The following SLC39A11 variants were observed in gnomAD, a reference collection of about 807,000 sequenced individuals.
SLC39A11 encodes zinc transporter ZIP11.
SLC39A11 carries 33 observed loss-of-function variants against 36.1 expected under a neutral mutation model. The ratio of observed to expected loss-of-function variants is 0.91; its 90% CI spans 0.69 to 1.22. SLC39A11 has a LOEUF of 1.22. SLC39A11 is among the 50% of genes most tolerant of loss of function. SLC39A11 has a pLI of 0.00. For missense variants in SLC39A11, 432 were observed against 430.3 expected (o/e 1.00, Z -0.03); for synonymous variants, 166 against 170.3 (o/e 0.97, Z 0.20).
intron 4 of SLC39A11, among the ~76,000 whole-genome samples, chr17:72,978,963 A>G (rs150201275): frequency 2.0e-5 from 3 of 152,294 alleles, no homozygotes; most frequent in African/African-American, 7.2e-5. Context: ...TTACAAAGAT[A>G]AAAAAGAAGG....
intron 7 of SLC39A11, among the ~76,000 whole-genome samples, chr17:72,671,946 T>C (rs1158204012): frequency 2.0e-5 from 3 of 152,166 alleles, no homozygotes; most frequent in Non-Finnish European, 2.9e-5. Context: ...GGGAATCTAA[T>C]ACACAGAATC....
chr17:72,861,782 A>ATCTC (rs1555605666), intron 5 of SLC39A11, among the ~76,000 whole-genome samples: 2 of 91,476 alleles, frequency 2.2e-5, no homozygotes, highest in Admixed American at 1.3e-4. Flanking sequence ...ATATATATAT[A>ATCTC]TCCAATGCTA....
chr17:73,050,395 G>A (rs1313470187), intron 3 of SLC39A11, among the ~76,000 whole-genome samples: 3 of 150,344 alleles, frequency 2.0e-5, no homozygotes, highest in African/African-American at 7.3e-5. Flanking sequence ...CAGCGGGGAG[G>A]AGAGTGGGTC....
intron 5 of SLC39A11, among the ~76,000 whole-genome samples, chr17:72,893,590 G>A (rs955286136): frequency 6.6e-6 from 1 of 152,030 alleles, no homozygotes; most frequent in Admixed American, 6.6e-5. Flanking sequence ...ATCCTCATTG[G>A]AAAACCAATG....
intron 5 of SLC39A11, among the ~76,000 whole-genome samples, chr17:72,931,790 C>A (rs960006172): frequency 6.6e-6 from 1 of 152,212 alleles, no homozygotes; most frequent in African/African-American, 2.4e-5. Flanking sequence ...CAGCCCACTG[C>A]ATGACTCAAA....
At chr17:72,684,428 T>C (rs923754822) in intron 7 of SLC39A11, among the ~76,000 whole-genome samples, 1 of 152,162 alleles carries the variant, frequency 6.6e-6, no homozygotes, top group Non-Finnish European at 1.5e-5. Flanking sequence ...GACCTTTCTC[T>C]CCGACCAGGG....
intron 4 of SLC39A11, among the ~76,000 whole-genome samples, chr17:72,959,325 GTATATATATATATATATATA>G (rs1186282631): frequency 1.5e-5 from 1 of 65,548 alleles, no homozygotes; most frequent in Non-Finnish European, 2.7e-5. Flanking sequence ...GTGTGTGTGT[GTATATATATATATATATATA>G]TATATATATA....
intron 4 of SLC39A11, among the ~76,000 whole-genome samples, chr17:72,988,282 GTC>G (rs956855023): frequency 6.6e-6 from 1 of 152,126 alleles, no homozygotes. Context: ...GTGAAATCCC[GTC>G]TCTGCTAAAA....
At chr17:72,789,650 C>A (rs2076636949) in intron 6 of SLC39A11, among the ~76,000 whole-genome samples, 1 of 152,188 alleles carries the variant, frequency 6.6e-6, no homozygotes, top group African/African-American at 2.4e-5. Context: ...AGAACAACAA[C>A]CTGATTAAAG....
At chr17:73,019,507 C>T (rs1403623799) in intron 4 of SLC39A11, among the ~76,000 whole-genome samples, 1 of 152,096 alleles carries the variant, frequency 6.6e-6, no homozygotes, top group African/African-American at 2.4e-5. Flanking sequence ...TATGATAAGA[C>T]AATTACAAGG....
Position 72,777,223 on chromosome 17 carries a change from G to C in SLC39A11, c.602-40504C>G, listed in dbSNP as rs761016182. Among the ~76,000 whole-genome samples, 37 of 152,310 alleles carry C rather than the reference G, an allele frequency of 2.4e-4. No homozygotes were observed. In the Middle Eastern group the frequency reaches 0.01, roughly 42 times the overall value. On this transcript the variant is annotated intron_variant, in intron 6 of 9. Transcript: ENST00000255559. ...CTCTAAACCAAAAAAAGGGCATTAT[G>C]ATCATAGCTTCAGGTCTCATTTAGC...
At chr17:72,753,570 GTTC>G (rs143623387) in intron 6 of SLC39A11, among the ~76,000 whole-genome samples, 2,350 of 152,148 alleles carry the variant, frequency 0.015, 60 homozygotes, top group African/African-American at 0.053. Flanking sequence ...GAATTTTTAT[GTTC>G]TTCTGTCTCC....
intron 3 of SLC39A11, among the ~76,000 whole-genome samples, chr17:73,054,365 A>G (rs2059602710): frequency 6.7e-6 from 1 of 150,150 alleles, no homozygotes; most frequent in African/African-American, 2.5e-5. Flanking sequence ...ATCTCGAAAA[A>G]AACAAAAAAA....
Position 73,067,057 on chromosome 17 carries a change from T to C in SLC39A11, c.147+17751A>G, listed in dbSNP as rs574745518. On this transcript the variant is annotated intron_variant, in intron 3 of 9. Transcript: ENST00000255559. ...CTCATTTTAAAAGCAACATACAAAA[T>C]ATACACCAAGAAGGTAAATCAATAA... 1.0e-3 allele frequency among the ~76,000 whole-genome samples: 155 copies of C among 152,312 alleles called. 1 individual carries two copies. Among genetic ancestry groups the C allele is most frequent in the African/African-American group, 3.5e-3 (144 of 41,586 alleles).
chr17:72,827,516 C>G (rs67608147), intron 6 of SLC39A11, among the ~76,000 whole-genome samples: 41,581 of 152,048 alleles, frequency 0.27, 6,035 homozygotes, highest in East Asian at 0.54. Context: ...TTTGATAAAG[C>G]TGTTATTAAA....
chr17:73,080,212 C>T (rs1288532561), intron 3 of SLC39A11, among the ~76,000 whole-genome samples: 1 of 152,174 alleles, frequency 6.6e-6, no homozygotes, highest in East Asian at 1.9e-4. Flanking sequence ...AATCTGGAGG[C>T]ATCACACTAC....
intron 3 of SLC39A11, chr17:73,072,183 G>C (rs556977326): frequency 1.3e-5 from 2 of 152,330 alleles, no homozygotes; most frequent in East Asian, 3.9e-4. Flanking sequence ...AACAGGGAAG[G>C]ATGCCCCCAA....
intron 6 of SLC39A11, among the ~76,000 whole-genome samples, chr17:72,828,857 C>T (rs1018279561): frequency 1.3e-5 from 2 of 152,168 alleles, no homozygotes; most frequent in African/African-American, 2.4e-5. Context: ...GGGCTCTGCA[C>T]CCACAGATTT....
intron 4 of SLC39A11, among the ~76,000 whole-genome samples, chr17:72,983,089 C>T (rs12103865): frequency 0.012 from 1,825 of 152,088 alleles, 26 homozygotes; most frequent in African/African-American, 0.018. Flanking sequence ...ACTCACAGTA[C>T]CTTCATTTGA....
Sources: allele counts gnomAD v4.1 joint callset (sites outside exome capture counted in the v4.1 genomes callset), GRCh38; gene constraint gnomAD v4.1.1; transcripts MANE v1.5; gene names NCBI Gene and HGNC (gene_info 2026-07-23, HGNC 2026-07-21).